CRTC3: variants seen among roughly 807,000 people sequenced by gnomAD.
CRTC3 encodes CREB-regulated transcription coactivator 3.
A neutral mutation model predicts 74.5 loss-of-function variants in CRTC3; 26 were observed. The observed-to-expected ratio is 0.35, with a 90% CI of 0.26 to 0.48. The LOEUF (loss-of-function observed/expected upper bound fraction) is 0.48. Ranked by LOEUF, CRTC3 falls within the 20% of genes least tolerant of loss-of-function variation. The pLI is 0.99. For synonymous variants in CRTC3, 377 were observed against 325.8 expected, an observed-to-expected ratio of 1.16 and a Z score of -1.69; for missense variants, 760 against 787.3, an observed-to-expected ratio of 0.97 and a Z score of 0.41.
At chr15:90,538,052 C>T (rs1480863259) in intron 1 of CRTC3, among the ~76,000 whole-genome samples, 1 of 152,164 alleles carries the variant, frequency 6.6e-6, no homozygotes, top group Non-Finnish European at 1.5e-5. Context: ...AGAGTTGAAG[C>T]CTTTGTGAGA....
chr15:90,566,798 C>T (rs1967133339), intron 2 of CRTC3, among the ~76,000 whole-genome samples: 1 of 151,334 alleles, frequency 6.6e-6, no homozygotes. Flanking sequence ...GCAACATCCA[C>T]CTCCCAAGTT....
chr15:90,607,813 A>C (rs1308871085), intron 6 of CRTC3, among the ~76,000 whole-genome samples: 1 of 152,088 alleles, frequency 6.6e-6, no homozygotes, highest in African/African-American at 2.4e-5. Context: ...TAAGTTCCCC[A>C]AGAGTCCTCT....
At chr15:90,582,544 C>T (rs1967567280) in intron 2 of CRTC3, among the ~76,000 whole-genome samples, 1 of 152,178 alleles carries the variant, frequency 6.6e-6, no homozygotes, top group African/African-American at 2.4e-5. Context: ...TTTGATTATG[C>T]AGCCTAGTAG....
At chr15:90,569,013 G>A (rs1967192477) in intron 2 of CRTC3, among the ~76,000 whole-genome samples, 1 of 145,936 alleles carries the variant, frequency 6.9e-6, no homozygotes, top group African/African-American at 2.5e-5. Context: ...TTTTTAAAGA[G>A]ACAGAGTTTC....
intron 2 of CRTC3, among the ~76,000 whole-genome samples, chr15:90,573,417 A>C (rs989455031): frequency 2.9e-4 from 44 of 152,222 alleles, no homozygotes; most frequent in African/African-American, 1.0e-3. Flanking sequence ...GCTGTGTTAC[A>C]ATTTCTAGTA....
intron 11 of CRTC3, among the ~76,000 whole-genome samples, chr15:90,633,333 A>G (rs1302655212): frequency 6.6e-6 from 1 of 152,224 alleles, no homozygotes; most frequent in Non-Finnish European, 1.5e-5. Context: ...TAGTAGCTCT[A>G]TAGCAAAGAG....
chr15:90,571,637 T>C (rs1416041686), intron 2 of CRTC3, among the ~76,000 whole-genome samples: 2 of 152,212 alleles, frequency 1.3e-5, no homozygotes, highest in Non-Finnish European at 2.9e-5. Flanking sequence ...TCTTCCAAAT[T>C]TGTTGTAGAA....
At chr15:90,617,139 T>C (rs972742834) in intron 7 of CRTC3, among the ~76,000 whole-genome samples, 12 of 152,150 alleles carry the variant, frequency 7.9e-5, no homozygotes, top group African/African-American at 2.9e-4. Flanking sequence ...TTCCCCTCTC[T>C]TGGAATTCCC....
intron 2 of CRTC3, among the ~76,000 whole-genome samples, chr15:90,545,853 C>T (rs534217632): frequency 7.9e-5 from 12 of 152,346 alleles, no homozygotes; most frequent in Admixed American, 2.6e-4. Flanking sequence ...GCTGGGATTA[C>T]AGGCGTGAGC....
At position 90,593,681 on chromosome 15, in the gene CRTC3, G is replaced by A. The variant is rs754185164; in HGVS notation, c.277G>A (p.Gly93Arg). 14 of 1,611,554 alleles carry A rather than the reference G, an allele frequency of 8.7e-6. No individual in the cohort carries two copies. The highest frequency in any genetic ancestry group is 1.0e-5 in the Non-Finnish European group (12 of 1,177,888). The part of the protein sequence containing the change: ...ADNVRGTRHH[G>R]LVERPSRNRF... ...TAATGTTCGGGGAACCCGCCATCAC[G>A]GGCTGGTGGAGAGGCCATCCAGGAA... Residue 93 changes from glycine (G) to arginine (R), a missense_variant, in exon 3 of 15, where the codon GGG becomes AGG. Coordinates refer to ENST00000268184, the MANE Select transcript of CRTC3 (RefSeq NM_022769.5).
chr15:90,546,108 A>AT (rs1433023395), intron 2 of CRTC3, among the ~76,000 whole-genome samples: 2 of 152,186 alleles, frequency 1.3e-5, no homozygotes, highest in Non-Finnish European at 2.9e-5. Flanking sequence ...TCTATTAATA[A>AT]GAGTTCTTCA....
intron 2 of CRTC3, among the ~76,000 whole-genome samples, chr15:90,572,786 G>T (rs994796496): frequency 7.9e-5 from 12 of 152,106 alleles, no homozygotes; most frequent in African/African-American, 2.7e-4. Flanking sequence ...ATGTTGGCCA[G>T]GCTGGTCTTA....
At chr15:90,599,115 G>A (rs1968005129) in intron 3 of CRTC3, 1 of 152,178 alleles carries the variant, frequency 6.6e-6, no homozygotes, top group South Asian at 2.1e-4. Context: ...AAAGATCCAT[G>A]TGAGTGTGGG....
chr15:90,552,210 G>C (rs1272113181), intron 2 of CRTC3, among the ~76,000 whole-genome samples: 1 of 152,192 alleles, frequency 6.6e-6, no homozygotes, highest in Non-Finnish European at 1.5e-5. Flanking sequence ...AGCCCAGTTA[G>C]TCCTCGTTTA....
chr15:90,626,803 C>A (rs1289117991), intron 10 of CRTC3, among the ~76,000 whole-genome samples: 4 of 152,094 alleles, frequency 2.6e-5, no homozygotes, highest in South Asian at 2.1e-4. Context: ...TTAGTAGAGA[C>A]AGGGTTTCAC....
In CRTC3 at chr15:90,642,135, C is replaced by T. The variant is rs374112813; in HGVS notation, c.1855C>T (p.Leu619=). Residue 619 remains leucine, a synonymous_variant, in exon 15 of 15, where the codon CTG becomes TTG. Coordinates refer to ENST00000268184, the MANE Select transcript of CRTC3 (RefSeq NM_022769.5). ...TGAAGAGACGTTTCGAGCTGACAGA[C>T]TGTGAACAGAAGGCAGTGGAACAGA... ...SVEETFRADR[L] is the part of the protein sequence containing the mutation. The T allele has an allele frequency of 6.2e-7, 1 of 1,613,672 alleles. No individual in the cohort carries two copies. Among genetic ancestry groups the T allele is most frequent in the Non-Finnish European group, 8.5e-7 (1 of 1,179,710 alleles).
chr15:90,639,335 A>G (rs1969355847), intron 13 of CRTC3, among the ~76,000 whole-genome samples: 1 of 151,986 alleles, frequency 6.6e-6, no homozygotes, highest in South Asian at 2.1e-4. Context: ...TTTTCCTAAC[A>G]TTGACTATTT....
In CRTC3 at chr15:90,579,634, C is replaced by CCTTTT. The variant is rs772962487; in HGVS notation, c.232-14002_232-14001insCTTTT. On this transcript the variant is annotated intron_variant, in intron 2 of 14. Transcript: ENST00000268184. The stretch of plus-strand genomic sequence containing the variant: ...GATTACATGGAGTAAACGTATTTCA[C>CCTTTT]TTTTTTTTTTTTTTTTTTTTTTTTT... Among the ~76,000 whole-genome samples the CCTTTT allele has an allele frequency of 1.4e-4, 12 of 84,198 alleles. No individual in the cohort carries two copies. In the East Asian group the frequency reaches 2.9e-3, roughly 20 times the overall value. The allele number at this position is 84,198 out of a possible 152,430, so 55.2% of individuals were successfully genotyped here.
rs145349033 is a variant in CRTC3 at position 90,629,274 on chromosome 15, G to T, written c.1008G>T (p.Thr336=). The T allele has an allele frequency of 1.9e-6, 3 of 1,613,944 alleles. No homozygotes were observed. Among genetic ancestry groups the T allele is most frequent in the Non-Finnish European group, 2.5e-6 (3 of 1,180,002 alleles). ...SSRSNPSIQA[T]LNKTVLSSSL... is the part of the protein sequence containing the mutation. ...GGAGTAACCCCTCCATCCAAGCCAC[G>T]CTCAATAAGACTGTGCTTTCCTCTT... The change falls in exon 11 of 15, where the codon ACG becomes ACT. Residue 336 remains threonine (T), a synonymous_variant. Transcript: ENST00000268184.
Sources: allele counts gnomAD v4.1 joint callset (sites outside exome capture counted in the v4.1 genomes callset), GRCh38; gene constraint gnomAD v4.1.1; transcripts MANE v1.5; gene names NCBI Gene and HGNC (gene_info 2026-07-23, HGNC 2026-07-21).